Variants in PDZD7 observed in about 807,000 individuals in gnomAD.
PDZD7 encodes the protein PDZ domain containing 7.
In PDZD7, 72 loss-of-function variants were observed where a neutral mutation model predicts 84.7. That is an observed-to-expected ratio of 0.85 (90% confidence interval 0.70 to 1.03). The LOEUF is 1.03. Among genes scored for constraint, PDZD7 ranks in the 50% least tolerant of loss-of-function variants. PDZD7 has a pLI of 0.00. For synonymous variants in PDZD7, 594 were observed against 580.7 expected (o/e 1.02, Z -0.33); for missense variants, 1,490 against 1,412.9 (o/e 1.05, Z -0.87).
intron 2 of PDZD7, among the ~76,000 whole-genome samples, chr10:101,028,662 G>T (rs1937866721): frequency 6.6e-6 from 1 of 152,024 alleles, no homozygotes; most frequent in Non-Finnish European, 1.5e-5. Context: ...AAAGGGAAGG[G>T]GAGAGAGAGA....
chr10:101,007,750 C>T lies in PDZD7; in HGVS notation c.*717G>A, dbSNP rs1345403725. The T allele has an allele frequency of 2.0e-5, 13 of 650,966 alleles. No homozygotes were observed. In the East Asian group the frequency reaches 8.2e-4, roughly 41 times the overall value. 40.3% of individuals were successfully genotyped at this position (650,966 alleles called of 1,614,324 possible). A position where few individuals can be genotyped will look rare whatever the true frequency, so the allele number is the denominator to read the frequency against. On this transcript the variant is annotated 3_prime_UTR_variant, in exon 17 of 17. Coordinates refer to ENST00000619208, the MANE Select transcript of PDZD7 (RefSeq NM_001195263.2). The stretch of plus-strand genomic sequence containing the variant: ...CTCCCTTCACCCAGGTTTATGGCCT[C>T]GTTTTCACTTGTATATTTTTCACAC...
chr10:101,007,781 A>G lies in PDZD7; in HGVS notation c.*686T>C. On this transcript the variant is annotated 3_prime_UTR_variant, in exon 17 of 17. Coordinates refer to ENST00000619208, the MANE Select transcript of PDZD7 (RefSeq NM_001195263.2). ...CACTTGTATATTTTTCACACTGTAAATTTCTTGTACAAACCCAAAGAAAAA... is the reference window on the plus strand; with the variant it reads ...CACTTGTATATTTTTCACACTGTAAGTTTCTTGTACAAACCCAAAGAAAAA... 2.1e-6 allele frequency: 1 copy of G among 468,322 alleles called. No individual in the cohort carries two copies. Among genetic ancestry groups the G allele is most frequent in the Non-Finnish European group, 2.8e-6 (1 of 354,000 alleles). 29.0% of individuals were successfully genotyped at this position (468,322 alleles called of 1,614,324 possible).
Position 101,010,473 on chromosome 10 carries a change from T to G in PDZD7, c.2416A>C (p.Ser806Arg), listed in dbSNP as rs1289763546. 6 of 1,535,706 alleles carry G rather than the reference T, an allele frequency of 3.9e-6. No individual in the cohort carries two copies. The highest frequency in any genetic ancestry group is 1.4e-5 in the African/African-American group (1 of 73,086). The change falls in exon 15 of 17, where the codon AGC (serine) becomes CGC (arginine). Residue 806 changes from serine (S) to arginine (R), a missense_variant. Ser to Arg is a moderately radical substitution (Grantham distance 110, BLOSUM62 -1). Transcript: ENST00000619208. ...SPSPVPTPAP[S>R]MTNGRYHKPR... Reference sequence around the variant, plus strand: ...TTGTGGTAGCGCCCATTGGTCATGCTGGGGGCAGGGGTAGGCACCGGGGAT... The same window carrying G: ...TTGTGGTAGCGCCCATTGGTCATGCGGGGGGCAGGGGTAGGCACCGGGGAT...
rs137901401 is a variant in PDZD7 at position 101,029,720 on chromosome 10, A to G, written c.226+274T>C. ...TCCCCTGCCTTGTCCACCAGGGGCTAGCATACCACACGCATGCCTGTCCCT... is the reference window on the plus strand; with the variant it reads ...TCCCCTGCCTTGTCCACCAGGGGCTGGCATACCACACGCATGCCTGTCCCT... On this transcript the variant is annotated intron_variant, in intron 2 of 16. Transcript: ENST00000619208. 1.4e-3 allele frequency among the ~76,000 whole-genome samples: 208 copies of G among 152,302 alleles called. 3 individuals carry two copies. In the East Asian group the frequency reaches 0.028, roughly 20 times the overall value.
chr10:101,029,916 GCCT>G, intron 2 of PDZD7, 75 bp downstream of exon 2: 1 of 1,437,436 alleles, frequency 7.0e-7, no homozygotes, highest in South Asian at 1.2e-5. Context: ...TACTGGCTCT[GCCT>G]CCTCCTGCTG....
chr10:101,010,889 G>A lies in PDZD7; in HGVS notation c.2006-6C>T. 1 of 1,533,758 alleles carries A rather than the reference G, an allele frequency of 6.5e-7. No homozygotes were observed. The highest frequency in any genetic ancestry group is 1.2e-5 in the South Asian group (1 of 83,976). ...GTAGAAGCCTCCGCGGCTGTCTGGG[G>A]AAGAGCGCCAAGGTCAGCTGCCCAC... On this transcript the variant is annotated splice_polypyrimidine_tract_variant and splice_region_variant and intron_variant, in intron 14 of 16. Transcript: ENST00000619208.
chr10:101,008,633 G>T lies in PDZD7; in HGVS notation c.2936C>A (p.Pro979His). 1 of 1,535,940 alleles carries T rather than the reference G, an allele frequency of 6.5e-7. No individual in the cohort carries two copies. Among genetic ancestry groups the T allele is most frequent in the Non-Finnish European group, 8.7e-7 (1 of 1,146,686 alleles). The change falls in exon 17 of 17, where the codon CCC becomes CAC. Residue 979 changes from proline (P) to histidine (H), a missense_variant. Coordinates refer to ENST00000619208, the MANE Select transcript of PDZD7 (RefSeq NM_001195263.2). ...GGCAGGAACTGGAGCAGCATCAAGGGGTTGGTGGGCAGGCAAGTGGTCAGC... is the reference window on the plus strand; with the variant it reads ...GGCAGGAACTGGAGCAGCATCAAGGTGTTGGTGGGCAGGCAAGTGGTCAGC... ...LPADHLPAHQ[P>H]LDAAPVPAHW...
intron 8 of PDZD7, 94 bp from the exon 9 acceptor site, chr10:101,018,390 A>C (rs1385483610): frequency 7.4e-7 from 1 of 1,349,184 alleles, no homozygotes; most frequent in African/African-American, 1.4e-5. Flanking sequence ...GAGAAGGGAG[A>C]GGAGAGGGCA....
chr10:101,023,834 T>C, intron 3 of PDZD7, 94 bp downstream of exon 3: 1 of 1,596,474 alleles, frequency 6.3e-7, no homozygotes, highest in Non-Finnish European at 8.6e-7. Flanking sequence ...AGCTGGGGAC[T>C]CTTCCGTCTG....
At position 101,022,333 on chromosome 10, in the gene PDZD7, A is replaced by G; in HGVS notation, c.595T>C (p.Ser199Pro). Residue 199 changes from serine to proline, a missense_variant, in exon 5 of 17, where the codon TCC becomes CCC. By Grantham distance (74) the Ser-to-Pro change is moderately conservative. Coordinates refer to ENST00000619208, the MANE Select transcript of PDZD7 (RefSeq NM_001195263.2). ...LVVEKCGSTP[S>P]DTSSEDGVRR... ...ACACCATCTTCTGAGCTGGTGTCGG[A>G]GGGTGTTGAACCGCACTTCTCCACT... The G allele has an allele frequency of 6.2e-7, 1 of 1,614,160 alleles. No individual in the cohort carries two copies.
Position 101,019,574 on chromosome 10 carries a change from CTCCTCCTCCTCCTCT to C in PDZD7, c.929-372_929-358del, listed in dbSNP as rs1310303935. Reference sequence around the variant, plus strand: ...CCTCCTCCTCCTCCTCCTCCTCCTCCTCCTCCTCCTCCTCTTCTTCTTCTTCTTCTTCCTCCTCTT... The same window carrying C: ...CCTCCTCCTCCTCCTCCTCCTCCTCCTCTTCTTCTTCTTCTTCCTCCTCTT... On this transcript the variant is annotated intron_variant, in intron 7 of 16. Transcript: ENST00000619208. 2.5e-4 allele frequency among the ~76,000 whole-genome samples: 28 copies of C among 110,744 alleles called. No homozygotes were observed. In the East Asian group the frequency reaches 3.2e-3, roughly 13 times the overall value. The allele number at this position is 110,744 out of a possible 152,430, so 72.7% of individuals were successfully genotyped here.
chr10:101,011,049 G>GCTTA lies in PDZD7; in HGVS notation c.2006-170_2006-167dup. The GCTTA allele has an allele frequency of 6.6e-6, 6 of 908,816 alleles. No individual in the cohort carries two copies. In the South Asian group the frequency reaches 1.3e-4, roughly 19 times the overall value. 56.3% of individuals were successfully genotyped at this position (908,816 alleles called of 1,614,324 possible). On this transcript the variant is annotated intron_variant, in intron 14 of 16. Coordinates refer to ENST00000619208, the MANE Select transcript of PDZD7 (RefSeq NM_001195263.2). ...CAGACAGACATGTTCTATTAGAATC[G>GCTTA]CTTATTTATTTATTTGAGATGGAAT...
Position 101,023,506 on chromosome 10 carries a change from G to T in PDZD7, c.472C>A (p.Arg158Ser). Residue 158 changes from arginine (R) to serine (S), a missense_variant, in exon 4 of 17, where the codon CGC (arginine) becomes AGC (serine). Arg to Ser is a moderately radical substitution (Grantham distance 110). Coordinates refer to ENST00000619208, the MANE Select transcript of PDZD7 (RefSeq NM_001195263.2). ...SAVKVLTSSS[R>S]LHMMVRRMGR... Reference sequence around the variant, plus strand: ...ATGCGCCGAACCATCATGTGCAGGCGGCTGCTGCTGGTCAGCACCTTTACG... The same window carrying T: ...ATGCGCCGAACCATCATGTGCAGGCTGCTGCTGCTGGTCAGCACCTTTACG... 6.2e-7 allele frequency: 1 copy of T among 1,614,100 alleles called. No individual in the cohort carries two copies. The highest frequency in any genetic ancestry group is 2.2e-5 in the East Asian group (1 of 44,866).
chr10:101,017,521 G>T, intron 9 of PDZD7: 1 of 688,556 alleles, frequency 1.5e-6, no homozygotes, highest in South Asian at 1.5e-5. Context: ...GGTAGATCAC[G>T]CTGTAATCCT....
intron 8 of PDZD7, 49 bp from the exon 9 acceptor site, chr10:101,018,345 G>A (rs776472915): frequency 1.9e-6 from 3 of 1,562,544 alleles, no homozygotes; most frequent in Non-Finnish European, 2.6e-6. Flanking sequence ...GGGCAGAAGG[G>A]AAGGACGAGG....
chr10:101,012,078 G>A (rs968597033), intron 12 of PDZD7, 62 bp from the exon 13 acceptor site: 2 of 1,539,860 alleles, frequency 1.3e-6, no homozygotes, highest in African/African-American at 1.4e-5. Context: ...TTCCGGAGGT[G>A]CCAGGATGCC....
intron 7 of PDZD7, 99 bp from the exon 8 acceptor site, chr10:101,019,316 A>G (rs1304070352): frequency 3.4e-6 from 5 of 1,459,756 alleles, no homozygotes; most frequent in Non-Finnish European, 4.6e-6. Flanking sequence ...AGGCAAGGTC[A>G]GGCAGCAGCC....
intron 15 of PDZD7, 121 bp from the exon 16 acceptor site, chr10:101,009,471 T>C: frequency 1.3e-6 from 1 of 765,396 alleles, no homozygotes; most frequent in Non-Finnish European, 2.2e-6. Flanking sequence ...ATCCCTACAT[T>C]CTGTTACTAC....
rs200406550 is a variant in PDZD7 at position 101,022,297 on chromosome 10, C to T, written c.631G>A (p.Val211Ile). The change falls in exon 5 of 17, where the codon GTC (valine) becomes ATC (isoleucine). Residue 211 changes from valine (V) to isoleucine (I), a missense_variant. Physicochemically the swap from Val to Ile is conservative, Grantham distance 29. Transcript: ENST00000619208. ...TSSEDGVRRI[V>I]HLYTTSDDFC... ...TCGTCGGAGGTTGTGTATAGGTGGACGATGCGCCGGACACCATCTTCTGAG... is the reference window on the plus strand; with the variant it reads ...TCGTCGGAGGTTGTGTATAGGTGGATGATGCGCCGGACACCATCTTCTGAG... The T allele has an allele frequency of 1.1e-5, 18 of 1,614,206 alleles. No individual in the cohort carries two copies. Among genetic ancestry groups the T allele is most frequent in the Admixed American group, 6.7e-5 (4 of 60,028 alleles).
Sources: allele counts gnomAD v4.1 joint callset (sites outside exome capture counted in the v4.1 genomes callset), GRCh38; gene constraint gnomAD v4.1.1; transcripts MANE v1.5; gene names NCBI Gene and HGNC (gene_info 2026-07-23, HGNC 2026-07-21).